MRPS6: variants seen among roughly 807,000 people sequenced by gnomAD.
The protein encoded by MRPS6 is mitochondrial ribosomal protein S6.
A neutral mutation model predicts 13.1 loss-of-function variants in MRPS6; 6 were observed. The ratio of observed to expected loss-of-function variants is 0.46; its 90% CI spans 0.25 to 0.91. MRPS6 has a LOEUF of 0.91. MRPS6 is among the 40% of genes least tolerant of loss of function. The pLI is 0.18. For missense variants in MRPS6, 164 were observed against 155.6 expected, an observed-to-expected ratio of 1.05 and a Z score of -0.29; for synonymous variants, 61 against 56.5, an observed-to-expected ratio of 1.08 and a Z score of -0.36.
chr21:34,097,220 C>T (rs1426694437), intron 1 of MRPS6: 1 of 1,614,058 alleles, frequency 6.2e-7, no homozygotes, highest in Non-Finnish European at 8.5e-7. Flanking sequence ...AGAGGAGTCT[C>T]AGAGACCTGA....
At chr21:34,099,807 T>A in intron 1 of MRPS6, 2 of 723,162 alleles carry the variant, frequency 2.8e-6, no homozygotes, top group Non-Finnish European at 3.5e-6. Context: ...AATTGTTTAT[T>A]CTTGCCAGTA....
chr21:34,075,238 G>T (rs1045592764), intron 1 of MRPS6, among the ~76,000 whole-genome samples: 4 of 152,314 alleles, frequency 2.6e-5, no homozygotes, highest in African/African-American at 7.2e-5. Flanking sequence ...TTGTCTTGGG[G>T]AGGTAGCAGG....
At chr21:34,125,552 A>G in intron 2 of MRPS6, 72 bp downstream of exon 2, 5 of 1,559,414 alleles carry the variant, frequency 3.2e-6, no homozygotes, top group Non-Finnish European at 4.3e-6. Flanking sequence ...AATTACTATT[A>G]GAAGTTCTTA....
At chr21:34,093,607 ATTC>A (rs1428121392) in intron 1 of MRPS6, among the ~76,000 whole-genome samples, 1 of 152,130 alleles carries the variant, frequency 6.6e-6, no homozygotes, top group Non-Finnish European at 1.5e-5. Context: ...ATGGAAAAAC[ATTC>A]TTCTCTGAGG....
At chr21:34,086,098 C>T (rs1056577641) in intron 1 of MRPS6, among the ~76,000 whole-genome samples, 3 of 152,092 alleles carry the variant, frequency 2.0e-5, no homozygotes, top group East Asian at 3.8e-4. Context: ...AGCTTCTTAC[C>T]CCACTCTTTA....
chr21:34,074,476 G>C lies in MRPS6; in HGVS notation c.45+731G>C, dbSNP rs115729130. On this transcript the variant is annotated intron_variant, in intron 1 of 2. Coordinates refer to ENST00000399312, the MANE Select transcript of MRPS6 (RefSeq NM_032476.4). ...TCCCCCTGCTTTTGATTGATCTTGA[G>C]GTAGGGGATTTCAGGTTTGGAGGGA... Among the ~76,000 whole-genome samples, 987 of 152,322 alleles carry C rather than the reference G, an allele frequency of 6.5e-3. 14 individuals are homozygous for C. The highest frequency in any genetic ancestry group is 0.021 in the African/African-American group (873 of 41,566).
intron 1 of MRPS6, chr21:34,101,150 A>G (rs1047869065): frequency 4.0e-6 from 4 of 1,000,052 alleles, no homozygotes; most frequent in African/African-American, 3.5e-5. Context: ...ATTAAGTGAG[A>G]TAAGTACCTG....
At position 34,140,361 on chromosome 21, in the gene MRPS6, T is replaced by G. The variant is rs139401017; in HGVS notation, c.186-2047T>G. On this transcript the variant is annotated intron_variant, in intron 2 of 2. Transcript: ENST00000399312. ...AGTACTTTGTAATTGCCCTTTTGAT[T>G]TCTCCTTCTACCTGTTTGTCCAGCT... 1.1e-3 allele frequency among the ~76,000 whole-genome samples: 174 copies of G among 152,340 alleles called. 1 individual carries two copies. Among genetic ancestry groups the G allele is most frequent in the Non-Finnish European group, 2.0e-3 (138 of 68,034 alleles).
intron 1 of MRPS6, chr21:34,098,820 A>G: frequency 1.0e-6 from 1 of 999,958 alleles, no homozygotes; most frequent in Non-Finnish European, 1.2e-6. Flanking sequence ...GTGTCTTCGT[A>G]TGCTCAACAC....
chr21:34,128,958 C>G (rs1453057879), intron 2 of MRPS6, among the ~76,000 whole-genome samples: 1 of 152,194 alleles, frequency 6.6e-6, no homozygotes, highest in Non-Finnish European at 1.5e-5. Flanking sequence ...CTGGGAGTCA[C>G]TCCCAGCTCT....
chr21:34,112,704 A>AG (rs1483205662), intron 1 of MRPS6, among the ~76,000 whole-genome samples: 1 of 152,142 alleles, frequency 6.6e-6, no homozygotes, highest in East Asian at 1.9e-4. Flanking sequence ...TTTGACTGGC[A>AG]GCTCCCAATC....
chr21:34,125,351 C>G lies in MRPS6; in HGVS notation c.56C>G (p.Ala19Gly). The G allele has an allele frequency of 1.2e-6, 2 of 1,609,846 alleles. No individual in the cohort carries two copies. Among genetic ancestry groups the G allele is most frequent in the Non-Finnish European group, 1.7e-6 (2 of 1,178,808 alleles). ...ILKAMQRPET[A>G]ATLKRTIEAL... ...CACAAACAAAAACAGCCAGAGACTG[C>G]TGCTACTTTGAAACGTACGATAGAG... is the stretch of plus-strand genomic sequence containing the variant. Residue 19 changes from alanine (A) to glycine (G), a missense_variant, in exon 2 of 3, where the codon GCT becomes GGT. Ala to Gly is a moderately conservative substitution (Grantham distance 60). Transcript: ENST00000399312.
chr21:34,099,100 A>C, intron 1 of MRPS6: 1 of 999,792 alleles, frequency 1.0e-6, no homozygotes, highest in African/African-American at 1.7e-5. Context: ...TCCCATGATC[A>C]GGAGGCTTTC....
At chr21:34,130,249 C>G (rs1044149075) in intron 2 of MRPS6, among the ~76,000 whole-genome samples, 2 of 152,108 alleles carry the variant, frequency 1.3e-5, no homozygotes, top group African/African-American at 4.8e-5. Flanking sequence ...TTATGGAAAA[C>G]TTGTAAATAC....
chr21:34,094,419 G>A (rs1485453918), intron 1 of MRPS6, among the ~76,000 whole-genome samples: 1 of 152,060 alleles, frequency 6.6e-6, no homozygotes, highest in Non-Finnish European at 1.5e-5. Flanking sequence ...ACCCTAACTG[G>A]CCATAAAGTT....
At chr21:34,087,196 T>C (rs1569414266) in intron 1 of MRPS6, among the ~76,000 whole-genome samples, 1 of 152,168 alleles carries the variant, frequency 6.6e-6, no homozygotes, top group Non-Finnish European at 1.5e-5. Context: ...TGCCTTGTCA[T>C]TACACATACC....
intron 2 of MRPS6, among the ~76,000 whole-genome samples, chr21:34,129,268 C>T (rs965461032): frequency 1.3e-5 from 2 of 152,106 alleles, no homozygotes; most frequent in African/African-American, 2.4e-5. Context: ...TTATGGTTCT[C>T]GGTTCTCTTT....
intron 1 of MRPS6, among the ~76,000 whole-genome samples, chr21:34,083,572 A>G (rs764686264): frequency 6.6e-6 from 1 of 152,208 alleles, no homozygotes; most frequent in Non-Finnish European, 1.5e-5. Context: ...TGACCCAGTC[A>G]TGGGTTGTTT....
chr21:34,129,056 G>A (rs918769144), intron 2 of MRPS6, among the ~76,000 whole-genome samples: 3 of 152,076 alleles, frequency 2.0e-5, no homozygotes, highest in Non-Finnish European at 4.4e-5. Flanking sequence ...TCTGCTCTGC[G>A]GGACAGACAA....
Sources: gnomAD v4.1 joint callset for allele counts (sites outside exome capture counted in the v4.1 genomes callset) on GRCh38, gnomAD v4.1.1 for gene constraint, MANE v1.5 for transcripts, NCBI Gene and HGNC (gene_info 2026-07-23, HGNC 2026-07-21) for gene names.